The following DAB1 variants were observed in gnomAD, a reference collection of about 807,000 sequenced individuals.
DAB1 encodes DAB adaptor protein 1.
Under a neutral mutation model 64.6 loss-of-function variants are expected in DAB1, and 15 were observed. The observed-to-expected ratio is 0.23, with a 90% confidence interval of 0.16 to 0.36. DAB1 has a LOEUF of 0.36. Ranked by LOEUF, DAB1 falls within the 10% of genes least tolerant of loss-of-function variation. The pLI, the probability that DAB1 is intolerant of heterozygous loss-of-function variation, is 1.00. For missense variants in DAB1, 596 were observed against 706.7 expected, an observed-to-expected ratio of 0.84 and a Z score of 1.78; for synonymous variants, 235 against 251.9, an observed-to-expected ratio of 0.93 and a Z score of 0.64.
intron 5 of DAB1, among the ~76,000 whole-genome samples, chr1:57,908,023 A>G (rs545388809): frequency 2.6e-4 from 40 of 152,136 alleles, no homozygotes; most frequent in Middle Eastern, 3.4e-3. Context: ...ATCTGCAATA[A>G]TAACATCAAG....
chr1:57,619,386 G>A lies in DAB1; in HGVS notation n.625+30206C>T, dbSNP rs569249035. On this transcript the variant is annotated intron_variant and non_coding_transcript_variant, in intron 7 of 20. Transcript: ENST00000485760. ...TCCTTCTTAACTACAACATTTTGAG[G>A]CTATTAAGTCATCTATTTATTTTTT... Among the ~76,000 whole-genome samples the A allele has an allele frequency of 1.3e-4, 20 of 152,192 alleles. No individual in the cohort carries two copies. In the South Asian group the frequency reaches 3.7e-3, roughly 28 times the overall value.
intron 7 of DAB1, among the ~76,000 whole-genome samples, chr1:57,457,260 AAC>A (rs1686631231): frequency 6.6e-6 from 1 of 152,126 alleles, no homozygotes; most frequent in East Asian, 1.9e-4. Context: ...TTGGACTAAG[AAC>A]TGTGTGCACC....
intron 3 of DAB1, among the ~76,000 whole-genome samples, chr1:58,364,024 G>A (rs1420766747): frequency 6.6e-6 from 1 of 152,206 alleles, no homozygotes; most frequent in Non-Finnish European, 1.5e-5. Flanking sequence ...GGAGTCAGCA[G>A]GCTCACTTTA....
intron 1 of DAB1, among the ~76,000 whole-genome samples, chr1:58,543,123 T>G (rs911934465): frequency 1.2e-4 from 18 of 152,202 alleles, no homozygotes; most frequent in African/African-American, 4.1e-4. Context: ...CCATTGTACT[T>G]CCTACACTTA....
chr1:57,061,548 C>CT (rs1262475570), intron 9 of DAB1, among the ~76,000 whole-genome samples: 1 of 152,200 alleles, frequency 6.6e-6, no homozygotes, highest in African/African-American at 2.4e-5. Context: ...GCAGCTCTGA[C>CT]TGTGGGAAGG....
Position 57,851,170 on chromosome 1 carries a change from G to T in DAB1, n.88-24715C>A, listed in dbSNP as rs141126259. Among the ~76,000 whole-genome samples the T allele has an allele frequency of 1.4e-3, 218 of 152,310 alleles. 1 individual carries two copies. The highest frequency in any genetic ancestry group is 4.9e-3 in the African/African-American group (204 of 41,566). The stretch of plus-strand genomic sequence containing the variant: ...AGAATTCCCATGGGTCAAATCGAGG[G>T]TCTGACAATAGTTACAAAGACCACA... On this transcript the variant is annotated intron_variant and non_coding_transcript_variant, in intron 1 of 1. Coordinates refer to the DAB1 transcript ENST00000477280.
intron 3 of DAB1, among the ~76,000 whole-genome samples, chr1:58,460,513 T>C (rs188912480): frequency 1.3e-5 from 2 of 152,318 alleles, no homozygotes; most frequent in African/African-American, 4.8e-5. Context: ...CTCCCTTCCT[T>C]CACTTGGCAT....
intron 5 of DAB1, among the ~76,000 whole-genome samples, chr1:58,030,890 A>C (rs1297193796): frequency 6.6e-6 from 1 of 152,238 alleles, no homozygotes; most frequent in Non-Finnish European, 1.5e-5. Flanking sequence ...CAAGACATGC[A>C]ATAACTGGTG....
chr1:57,300,384 T>G (rs499397), intron 1 of DAB1, among the ~76,000 whole-genome samples: 56,981 of 152,006 alleles, frequency 0.37, 11,184 homozygotes, highest in Admixed American at 0.54. Context: ...TGCCTCAACC[T>G]GGAGATGCTA....
chr1:58,446,942 C>T (rs1015766626), intron 3 of DAB1, among the ~76,000 whole-genome samples: 1 of 152,150 alleles, frequency 6.6e-6, no homozygotes, highest in Non-Finnish European at 1.5e-5. Context: ...CCAGTTTATT[C>T]CTCCCCAAAC....
chr1:57,607,024 T>C (rs1260173225), intron 7 of DAB1, among the ~76,000 whole-genome samples: 1 of 148,582 alleles, frequency 6.7e-6, no homozygotes, highest in East Asian at 2.0e-4. Flanking sequence ...TGACCTCAGA[T>C]GATCCATCTG....
At chr1:57,539,004 T>C (rs1558473778) in intron 7 of DAB1, among the ~76,000 whole-genome samples, 1 of 152,214 alleles carries the variant, frequency 6.6e-6, no homozygotes, top group Non-Finnish European at 1.5e-5. Flanking sequence ...ATTTCAATTG[T>C]GATGCCTTCC....
At chr1:58,258,950 T>G (rs1013653367) in intron 4 of DAB1, among the ~76,000 whole-genome samples, 1 of 152,200 alleles carries the variant, frequency 6.6e-6, no homozygotes, top group Non-Finnish European at 1.5e-5. Context: ...GATAATTATT[T>G]AATGAATAAG....
intron 5 of DAB1, among the ~76,000 whole-genome samples, chr1:58,132,174 A>C (rs917809129): frequency 2.0e-5 from 3 of 152,100 alleles, no homozygotes; most frequent in Non-Finnish European, 4.4e-5. Context: ...GCCGTTTTTT[A>C]AGCCCGTCGG....
At chr1:57,238,919 G>C (rs1343856127) in intron 2 of DAB1, among the ~76,000 whole-genome samples, 1 of 148,852 alleles carries the variant, frequency 6.7e-6, no homozygotes, top group Non-Finnish European at 1.5e-5. Flanking sequence ...GGTTTTCTTA[G>C]CTATAAAGGT....
At chr1:57,889,499 T>A (rs1300418327) in intron 5 of DAB1, among the ~76,000 whole-genome samples, 2 of 152,220 alleles carry the variant, frequency 1.3e-5, no homozygotes, top group African/African-American at 4.8e-5. Flanking sequence ...CAAAACTAGA[T>A]ATCTAAAAGG....
rs116388725 is a variant in DAB1, at chr1:57,022,810, A to G, written c.895+721T>C. ...TAAGGCTCCCATGTATGTCAAAAACAGAACTAAACTACCTTTGGCTATTTG... is the reference window on the plus strand; with the variant it reads ...TAAGGCTCCCATGTATGTCAAAAACGGAACTAAACTACCTTTGGCTATTTG... On this transcript the variant is annotated intron_variant, in intron 11 of 14. Coordinates refer to ENST00000371236, the MANE Select transcript of DAB1 (RefSeq NM_001365792.1). Among the ~76,000 whole-genome samples the G allele has an allele frequency of 5.4e-3, 819 of 152,394 alleles. 13 individuals are homozygous for G. Among genetic ancestry groups the G allele is most frequent in the African/African-American group, 0.019 (775 of 41,594 alleles).
At chr1:58,072,236 G>C (rs79860702) in intron 5 of DAB1, among the ~76,000 whole-genome samples, 4,914 of 152,086 alleles carry the variant, frequency 0.032, 238 homozygotes, top group African/African-American at 0.11. Context: ...ACTTGAGAAA[G>C]ACAAATATTG....
chr1:57,881,186 A>G (rs1380917588), intron 1 of DAB1, among the ~76,000 whole-genome samples: 3 of 152,218 alleles, frequency 2.0e-5, no homozygotes, highest in Non-Finnish European at 2.9e-5. Flanking sequence ...TGTATTAGTT[A>G]GAGTAATCAA....
Sources: allele counts gnomAD v4.1 joint callset (sites outside exome capture counted in the v4.1 genomes callset), GRCh38; gene constraint gnomAD v4.1.1; transcripts MANE v1.5; gene names NCBI Gene and HGNC (gene_info 2026-07-23, HGNC 2026-07-21).